The following AHDC1 variants were observed in gnomAD, a reference collection of about 807,000 sequenced individuals.
AHDC1 encodes the protein AT-hook DNA binding motif containing 1.
In AHDC1, 7 loss-of-function variants were observed where a neutral mutation model predicts 87.9. The ratio of observed to expected loss-of-function variants is 0.08; its 90% CI spans 0.05 to 0.15. The LOEUF is 0.15. AHDC1 is among the 10% of genes least tolerant of loss of function. The pLI, the probability that AHDC1 is intolerant of heterozygous loss-of-function variation, is 1.00. For synonymous variants in AHDC1, 1,051 were observed against 1,006.8 expected (o/e 1.04, Z -0.83); for missense variants, 1,841 against 2,253.2 (o/e 0.82, Z 3.70).
intron 3 of AHDC1, among the ~76,000 whole-genome samples, chr1:27,596,490 C>T (rs1248343667): frequency 2.0e-5 from 3 of 151,972 alleles, no homozygotes; most frequent in East Asian, 3.8e-4. Context: ...TGGGTCAGTG[C>T]CCAACTTCCA....
At chr1:27,597,042 C>T (rs1310231699) in intron 3 of AHDC1, among the ~76,000 whole-genome samples, 3 of 152,224 alleles carry the variant, frequency 2.0e-5, no homozygotes, top group Non-Finnish European at 4.4e-5. Flanking sequence ...AGCCACTGGG[C>T]ATTTCTCTGT....
At chr1:27,545,514 C>A (rs570741773) in intron 8 of AHDC1, among the ~76,000 whole-genome samples, 60 of 152,012 alleles carry the variant, frequency 3.9e-4, no homozygotes, top group Non-Finnish European at 7.1e-4. Context: ...CGTCCATTTT[C>A]CCACCCAGAG....
rs1288742126 is a variant in AHDC1 at position 27,562,240 on chromosome 1, C to G, written c.-628-3357G>C. The stretch of plus-strand genomic sequence containing the variant: ...GGCGGGGGCGGCCAGTGCGCCAAGC[C>G]TCCCGCCTCCTGACCCCCGAGCCTG... On this transcript the variant is annotated intron_variant, in intron 3 of 8. Coordinates refer to ENST00000673934, the MANE Select transcript of AHDC1 (RefSeq NM_001371928.1). The surrounding 1 kb of genome is among the most constrained non-coding windows in gnomAD (Gnocchi z 4.4). Among the ~76,000 whole-genome samples, 1 of 152,118 alleles carries G rather than the reference C, an allele frequency of 6.6e-6. No homozygotes were observed.
At chr1:27,555,628 A>G (rs1316349591) in intron 5 of AHDC1, among the ~76,000 whole-genome samples, 2 of 151,956 alleles carry the variant, frequency 1.3e-5, no homozygotes, top group Non-Finnish European at 2.9e-5. Context: ...AGGGGCTCAG[A>G]CTCTGGAACC....
At chr1:27,545,760 G>A (rs1394929012) in intron 8 of AHDC1, among the ~76,000 whole-genome samples, 1 of 150,862 alleles carries the variant, frequency 6.6e-6, no homozygotes, top group Non-Finnish European at 1.5e-5. Context: ...AAAAAAAAAA[G>A]TTTGCTTCAT....
chr1:27,558,952 G>A lies in AHDC1; in HGVS notation c.-628-69C>T. ...GGGTAAGCCAGCCAGACAGCAGGGT[G>A]CAGGCGGACACTGAGCCAGGAAGCT... On this transcript the variant is annotated intron_variant, in intron 3 of 8. Coordinates refer to ENST00000673934, the MANE Select transcript of AHDC1 (RefSeq NM_001371928.1). This position sits in a 1 kb window ranked among gnomAD's most constrained non-coding sequence, Gnocchi z 5.6. 2.5e-6 allele frequency: 1 copy of A among 398,536 alleles called. No homozygotes were observed. The allele number at this position is 398,536 out of a possible 1,614,324, so 24.7% of individuals were successfully genotyped here.
At position 27,549,866 on chromosome 1, in the gene AHDC1, C is replaced by A; in HGVS notation, c.2250G>T (p.Leu750=). 1.2e-6 allele frequency: 2 copies of A among 1,613,454 alleles called. No individual in the cohort carries two copies. The highest frequency in any genetic ancestry group is 1.1e-5 in the South Asian group (1 of 91,024). ...RKRRSRKNGT[L]FPEQVPSGPG... ...GGCCACTGGGCACCTGCTCTGGGAA[C>A]AGAGTCCCATTCTTCCGGGACCGTC... Residue 750 remains leucine, a synonymous_variant, in exon 8 of 9, where the codon CTG becomes CTT. Transcript: ENST00000673934.
chr1:27,590,602 G>A lies in AHDC1; in HGVS notation c.-629+12795C>T, dbSNP rs545759190. Among the ~76,000 whole-genome samples the A allele has an allele frequency of 4.6e-5, 7 of 152,216 alleles. No homozygotes were observed. The highest frequency in any genetic ancestry group is 1.3e-4 in the Admixed American group (2 of 15,296). ...CAGACTTGGGGGGTCTGAGGACAAG[G>A]CTGTGTGTCCTGCATCTGTTAAATC... On this transcript the variant is annotated intron_variant, in intron 3 of 8. Transcript: ENST00000673934. The surrounding 1 kb of genome is among the most constrained non-coding windows in gnomAD (Gnocchi z 5.4).
intron 3 of AHDC1, among the ~76,000 whole-genome samples, chr1:27,601,073 T>C (rs2089517802): frequency 6.6e-6 from 1 of 152,228 alleles, no homozygotes; most frequent in African/African-American, 2.4e-5. Flanking sequence ...TCTTTTTCTT[T>C]ATGACACCAA....
chr1:27,538,735 G>GCAA (rs2018769764), intron 8 of AHDC1, among the ~76,000 whole-genome samples: 1 of 151,958 alleles, frequency 6.6e-6, no homozygotes, highest in Non-Finnish European at 1.5e-5. Context: ...GGCTAGACTC[G>GCAA]ACCTCCTGAA....
At chr1:27,587,596 C>T (rs2148459669) in intron 3 of AHDC1, among the ~76,000 whole-genome samples, 1 of 152,284 alleles carries the variant, frequency 6.6e-6, no homozygotes, top group South Asian at 2.1e-4. Context: ...AAGACTCACT[C>T]TCTGCTGTCT....
rs762544392 is a variant in AHDC1, at chr1:27,551,393, G to A, written c.723C>T (p.Asp241=). The A allele has an allele frequency of 1.4e-5, 23 of 1,613,604 alleles. No individual in the cohort carries two copies. Among genetic ancestry groups the A allele is most frequent in the Admixed American group, 3.3e-5 (2 of 60,012 alleles). Residue 241 remains aspartate, a synonymous_variant, in exon 8 of 9, where the codon GAC becomes GAT. Coordinates refer to ENST00000673934, the MANE Select transcript of AHDC1 (RefSeq NM_001371928.1). The part of the protein sequence containing the change: ...PDSTDYSELA[D]ADILSELASL... ...AGGCCAGCTCACTAAGGATGTCGGC[G>A]TCAGCAAGTTCTGAGTAATCAGTGC...
intron 3 of AHDC1, among the ~76,000 whole-genome samples, chr1:27,592,836 G>A (rs1170966551): frequency 6.6e-6 from 1 of 152,150 alleles, no homozygotes; most frequent in Non-Finnish European, 1.5e-5. Flanking sequence ...AAAGGACCCA[G>A]GGTTTCTGGG....
Position 27,548,357 on chromosome 1 carries a change from G to A in AHDC1, c.3759C>T (p.Ala1253=). Residue 1253 remains alanine (A), a synonymous_variant, in exon 8 of 9, where the codon GCC becomes GCT. Transcript: ENST00000673934. ...ATGGGTAGCCTGAGGCAGCGGCAGA[G>A]GCGGATGTCGGGAAGCCCAGATGTG... ...EASHLGFPTS[A]SAAASGYPSK... is the part of the protein sequence containing the mutation. 4 of 1,606,632 alleles carry A rather than the reference G, an allele frequency of 2.5e-6. No homozygotes were observed. The highest frequency in any genetic ancestry group is 3.4e-6 in the Non-Finnish European group (4 of 1,174,672).
chr1:27,549,419 T>C lies in AHDC1; in HGVS notation c.2697A>G (p.Ala899=). ...PSRGAKASPV[A]VGSSGAGADP... is the part of the protein sequence containing the mutation. ...CCGCCCCAGCCCCGCTGCTACCCAC[T>C]GCCACTGGGCTGGCCTTGGCTCCCC... is the stretch of plus-strand genomic sequence containing the variant. Residue 899 remains alanine, a synonymous_variant, in exon 8 of 9, where the codon GCA becomes GCG. Coordinates refer to ENST00000673934, the MANE Select transcript of AHDC1 (RefSeq NM_001371928.1). 1 of 1,612,902 alleles carries C rather than the reference T, an allele frequency of 6.2e-7. No homozygotes were observed. Among genetic ancestry groups the C allele is most frequent in the Non-Finnish European group, 8.5e-7 (1 of 1,179,816 alleles).
At position 27,543,009 on chromosome 1, in the gene AHDC1, C is replaced by T. The variant is rs1277430200; in HGVS notation, c.*43+4252G>A. Among the ~76,000 whole-genome samples, 6 of 152,312 alleles carry T rather than the reference C, an allele frequency of 3.9e-5. 1 individual carries two copies. Among genetic ancestry groups the T allele is most frequent in the Middle Eastern group, 3.4e-3 (1 of 294 alleles). ...TCACAGGCAAGATCAAGTGACCTCTCGAGGTTTCAAGACACGAAGAGACAA... is the reference window on the plus strand; with the variant it reads ...TCACAGGCAAGATCAAGTGACCTCTTGAGGTTTCAAGACACGAAGAGACAA... On this transcript the variant is annotated intron_variant, in intron 8 of 8. Coordinates refer to ENST00000673934, the MANE Select transcript of AHDC1 (RefSeq NM_001371928.1).
intron 8 of AHDC1, among the ~76,000 whole-genome samples, chr1:27,540,517 G>C (rs1387407296): frequency 6.6e-6 from 1 of 152,176 alleles, no homozygotes; most frequent in Non-Finnish European, 1.5e-5. Context: ...GCGTGGCAAG[G>C]AGGGCATTCC....
rs147154847 is a variant in AHDC1 at position 27,571,155 on chromosome 1, C to T, written c.-628-12272G>A. Among the ~76,000 whole-genome samples the T allele has an allele frequency of 2.8e-3, 420 of 152,252 alleles. 3 individuals carry two copies. The highest frequency in any genetic ancestry group is 0.014 in the Middle Eastern group (4 of 294). On this transcript the variant is annotated intron_variant, in intron 3 of 8. Coordinates refer to ENST00000673934, the MANE Select transcript of AHDC1 (RefSeq NM_001371928.1). ...GGAGTGTAGGAAGAATCTCCTTTAG[C>T]GAGCGGTGGTGGAATGAGGGTATCC...
chr1:27,570,142 A>T (rs1020277847), intron 3 of AHDC1, among the ~76,000 whole-genome samples: 2 of 151,600 alleles, frequency 1.3e-5, no homozygotes, highest in Non-Finnish European at 2.9e-5. Context: ...CTACCCTCCC[A>T]TCCTAGGGTC....
Sources: gnomAD v4.1 joint callset for allele counts (sites outside exome capture counted in the v4.1 genomes callset) on GRCh38, gnomAD v4.1.1 for gene constraint, Gnocchi (gnomAD v3.1) non-coding constraint, MANE v1.5 for transcripts, NCBI Gene and HGNC (gene_info 2026-07-23, HGNC 2026-07-21) for gene names.